The following IL18R1 variants were observed in gnomAD, a reference collection of about 807,000 sequenced individuals.
IL18R1 encodes interleukin-18 receptor 1.
Under a neutral mutation model 48.5 loss-of-function variants are expected in IL18R1, and 40 were observed. The observed-to-expected ratio is 0.82, with a 90% CI of 0.64 to 1.07. IL18R1 has a LOEUF of 1.07. Ranked by LOEUF, IL18R1 falls within the 50% of genes least tolerant of loss-of-function variation. IL18R1 has a pLI of 0.00. For missense variants in IL18R1, 596 were observed against 633.7 expected, an observed-to-expected ratio of 0.94 and a Z score of 0.64; for synonymous variants, 232 against 225.9, an observed-to-expected ratio of 1.03 and a Z score of -0.24.
chr2:102,376,099 T>TAAAAC, intron 5 of IL18R1, 36 bp downstream of exon 5: 1 of 1,502,834 alleles, frequency 6.7e-7, no homozygotes, highest in Non-Finnish European at 8.9e-7. Flanking sequence ...GAAACAGACG[T>TAAAAC]ATTTTAGTAA....
chr2:102,396,817 A>G lies in IL18R1; in HGVS notation c.1557A>G (p.Leu519=). ...NSRFWKNLLY[L]MPAKTVKPGR... ...GGTTCTGGAAGAACCTTCTTTACTT[A>G]ATGCCTGCAAAAACAGTCAAGCCAG... The change falls in exon 11 of 11, where the codon TTA becomes TTG. Residue 519 remains leucine (L), a synonymous_variant. Transcript: ENST00000233957. The G allele has an allele frequency of 6.2e-7, 1 of 1,612,906 alleles. No individual in the cohort carries two copies. The highest frequency in any genetic ancestry group is 8.5e-7 in the Non-Finnish European group (1 of 1,179,666).
intron 1 of IL18R1, among the ~76,000 whole-genome samples, chr2:102,362,215 G>A (rs1043884138): frequency 7.9e-5 from 12 of 150,986 alleles, no homozygotes; most frequent in Non-Finnish European, 1.3e-4. Context: ...ATTCAGGAAT[G>A]TTTTGATGTG....
chr2:102,381,650 G>T lies in IL18R1; in HGVS notation c.656G>T (p.Gly219Val). 6.2e-7 allele frequency: 1 copy of T among 1,613,032 alleles called. No individual in the cohort carries two copies. Among genetic ancestry groups the T allele is most frequent in the South Asian group, 1.1e-5 (1 of 91,028 alleles). The change falls in exon 6 of 11, where the codon GGA (glycine) becomes GTA (valine). Residue 219 changes from glycine to valine, a missense_variant. Transcript: ENST00000233957. ...AGTAATATAGTTCCGGTTCTTCTTG[G>T]ACCAAAGCTTAACCATGTTGCAGTG... is the stretch of plus-strand genomic sequence containing the variant. Reference protein sequence around the residue: ...DRSNIVPVLLGPKLNHVAVEL... With the variant: ...DRSNIVPVLLVPKLNHVAVEL...
intron 6 of IL18R1, 44 bp downstream of exon 6, chr2:102,381,726 C>A: frequency 8.0e-7 from 1 of 1,247,364 alleles, no homozygotes; most frequent in Non-Finnish European, 1.2e-6. Context: ...AAGTAGGGGA[C>A]ATAATAGAGC....
intron 8 of IL18R1, among the ~76,000 whole-genome samples, chr2:102,388,028 G>T (rs768726890): frequency 4.7e-4 from 72 of 152,110 alleles, no homozygotes; most frequent in Non-Finnish European, 7.8e-4. Context: ...CAGACAGAGA[G>T]ACAGAGTAAG....
At chr2:102,368,555 G>T (rs1233063085) in intron 3 of IL18R1, among the ~76,000 whole-genome samples, 2 of 152,146 alleles carry the variant, frequency 1.3e-5, no homozygotes, top group Non-Finnish European at 2.9e-5. Flanking sequence ...TGCTAGTGGA[G>T]GAAGTGTGTG....
chr2:102,362,581 G>C (rs1360712571), intron 1 of IL18R1, 52 bp from the exon 2 acceptor site: 1 of 1,212,828 alleles, frequency 8.2e-7, no homozygotes, highest in African/African-American at 1.5e-5. Context: ...CATAAGATAG[G>C]CACACTTTTG....
At chr2:102,370,590 G>A (rs1443185755) in intron 3 of IL18R1, among the ~76,000 whole-genome samples, 2 of 152,216 alleles carry the variant, frequency 1.3e-5, no homozygotes, top group African/African-American at 2.4e-5. Context: ...CAAGGTGAAG[G>A]GGCCAGATTC....
rs765315093 is a variant in IL18R1 at position 102,390,138 on chromosome 2, A to G, written c.1032A>G (p.Leu344=). Residue 344 remains leucine (L), a synonymous_variant, in exon 9 of 11, where the codon CTA becomes CTG. Transcript: ENST00000233957. The part of the protein sequence containing the change: ...AVLILVAVVC[L]VTVCVIYRVD... ...TGATCTTGGTGGCAGTAGTGTGCCT[A>G]GTGACTGTGTGTGTCATTTATAGAG... is the stretch of plus-strand genomic sequence containing the variant. 4.3e-6 allele frequency: 7 copies of G among 1,613,960 alleles called. No individual in the cohort carries two copies. The South Asian group carries it at 4.4e-5, about 10-fold the overall frequency.
intron 2 of IL18R1, among the ~76,000 whole-genome samples, chr2:102,365,005 A>G (rs1678803752): frequency 6.6e-6 from 1 of 152,122 alleles, no homozygotes. Context: ...GGGAACTACA[A>G]TTCAAGATGA....
At chr2:102,377,873 C>T (rs2041739) in intron 5 of IL18R1, among the ~76,000 whole-genome samples, 81,130 of 152,026 alleles carry the variant, frequency 0.53, 23,503 homozygotes, top group African/African-American at 0.73. Flanking sequence ...TGTAACATAT[C>T]GTATTCACAG....
Position 102,372,134 on chromosome 2 carries a change from T to C in IL18R1, c.468+16T>C. The C allele has an allele frequency of 1.3e-6, 2 of 1,550,502 alleles. No homozygotes were observed. Among genetic ancestry groups the C allele is most frequent in the Non-Finnish European group, 1.7e-6 (2 of 1,150,730 alleles). On this transcript the variant is annotated intron_variant, in intron 4 of 10. Transcript: ENST00000233957. The stretch of plus-strand genomic sequence containing the variant: ...ATTGTATAAGGTAATGCTTTTATAA[T>C]ATTTTAACTTTAAGACTTGATGGAA...
At chr2:102,381,052 C>T (rs555131829) in intron 5 of IL18R1, among the ~76,000 whole-genome samples, 2 of 152,242 alleles carry the variant, frequency 1.3e-5, no homozygotes, top group East Asian at 1.9e-4. Flanking sequence ...TACTTCCAGT[C>T]GGGGTCAGAA....
chr2:102,367,959 C>T lies in IL18R1; in HGVS notation c.193C>T (p.His65Tyr). The T allele has an allele frequency of 3.7e-6, 6 of 1,614,208 alleles. No homozygotes were observed. The highest frequency in any genetic ancestry group is 5.1e-6 in the Non-Finnish European group (6 of 1,180,032). The change falls in exon 3 of 11, where the codon CAT (histidine) becomes TAT (tyrosine). Residue 65 changes from histidine (H) to tyrosine (Y), a missense_variant. Coordinates refer to ENST00000233957, the MANE Select transcript of IL18R1 (RefSeq NM_003855.5). ...SWYKSSGSQEHVELNPRSSSR... is the reference protein window; with the variant it reads ...SWYKSSGSQEYVELNPRSSSR... ...GTACAAAAGCAGTGGATCACAGGAA[C>T]ATGTGGAGCTGAACCCAAGGAGTTC...
intron 6 of IL18R1, among the ~76,000 whole-genome samples, chr2:102,382,561 A>G (rs1439716244): frequency 2.6e-5 from 4 of 152,196 alleles, no homozygotes; most frequent in African/African-American, 7.2e-5. Flanking sequence ...TATATTGTTG[A>G]ATTAAATCCT....
At chr2:102,378,451 C>G (rs1425794795) in intron 5 of IL18R1, among the ~76,000 whole-genome samples, 1 of 152,198 alleles carries the variant, frequency 6.6e-6, no homozygotes, top group Non-Finnish European at 1.5e-5. Flanking sequence ...GCTAGGTTCC[C>G]AAACCTCACC....
chr2:102,368,164 C>G (rs1362348), intron 3 of IL18R1, 96 bp downstream of exon 3: 502,491 of 1,340,974 alleles, frequency 0.37, 101,414 homozygotes, highest in African/African-American at 0.66. Context: ...CAGATAATCA[C>G]CACATCCTTT....
intron 3 of IL18R1, among the ~76,000 whole-genome samples, chr2:102,371,162 C>T (rs11465603): frequency 0.012 from 1,815 of 151,906 alleles, 37 homozygotes; most frequent in African/African-American, 0.041. Flanking sequence ...CTCAGCTTCC[C>T]GAGTAGCTGG....
intron 9 of IL18R1, among the ~76,000 whole-genome samples, chr2:102,393,854 G>C (rs1206244356): frequency 6.6e-6 from 1 of 152,032 alleles, no homozygotes; most frequent in Non-Finnish European, 1.5e-5. Flanking sequence ...TTATTCTCTG[G>C]CCAGGTTATT....
Sources: allele counts gnomAD v4.1 joint callset (sites outside exome capture counted in the v4.1 genomes callset), GRCh38; gene constraint gnomAD v4.1.1; transcripts MANE v1.5; gene names NCBI Gene and HGNC (gene_info 2026-07-23, HGNC 2026-07-21).